NCOR2: variants seen among roughly 807,000 people sequenced by gnomAD.
NCOR2 encodes the protein CTG repeat protein 26.
In NCOR2, 81 loss-of-function variants were observed where a neutral mutation model predicts 262.9. That is an observed-to-expected ratio of 0.31 (90% CI 0.26 to 0.37). The LOEUF (loss-of-function observed/expected upper bound fraction) is 0.37, where lower values mean the gene tolerates loss of function less well. NCOR2 is among the 10% of genes least tolerant of loss of function. NCOR2 has a pLI of 1.00. For missense variants in NCOR2, 3,385 were observed against 3,621.4 expected, an observed-to-expected ratio of 0.93 and a Z score of 1.68; for synonymous variants, 1,659 against 1,559.3, an observed-to-expected ratio of 1.06 and a Z score of -1.51.
intron 1 of NCOR2, among the ~76,000 whole-genome samples, chr12:124,506,224 G>A (rs146035081): frequency 1.7e-3 from 265 of 152,316 alleles, no homozygotes; most frequent in African/African-American, 6.0e-3. Context: ...ACTGAGGCTC[G>A]GAAAGGTGAA....
At chr12:124,478,169 C>G (rs1045045637) in intron 3 of NCOR2, among the ~76,000 whole-genome samples, 1 of 152,176 alleles carries the variant, frequency 6.6e-6, no homozygotes, top group Non-Finnish European at 1.5e-5. Context: ...TTCCTGCTAA[C>G]ACACCAAGAC....
At chr12:124,511,781 T>C (rs947540381) in intron 1 of NCOR2, among the ~76,000 whole-genome samples, 1 of 152,190 alleles carries the variant, frequency 6.6e-6, no homozygotes, top group African/African-American at 2.4e-5. Flanking sequence ...ACCCTCAGGC[T>C]TGGAGTGGGG....
At chr12:124,456,468 C>A (rs2045862164) in intron 6 of NCOR2, among the ~76,000 whole-genome samples, 1 of 152,204 alleles carries the variant, frequency 6.6e-6, no homozygotes, top group African/African-American at 2.4e-5. Flanking sequence ...CATCTTTCCG[C>A]AGCAAAAGGA....
chr12:124,340,026 G>A (rs1354053978), exon 37 of NCOR2: 1 of 1,612,202 alleles, frequency 6.2e-7, no homozygotes, highest in Admixed American at 1.7e-5. Context: ...TGGGCGTGCT[G>A]GGCTCCACAG....
At chr12:124,399,570 C>T (rs1210963217) in intron 15 of NCOR2, among the ~76,000 whole-genome samples, 2 of 152,206 alleles carry the variant, frequency 1.3e-5, no homozygotes, top group Non-Finnish European at 2.9e-5. Context: ...AACGTTTCCT[C>T]TCTGAGCTTC....
rs1045276489 is a variant in NCOR2 at position 124,389,581 on chromosome 12, G to A, written c.1877-3694C>T. On this transcript the variant is annotated intron_variant, in intron 16 of 46. Transcript: ENST00000405201. This position sits in a 1 kb window ranked among gnomAD's most constrained non-coding sequence, Gnocchi z 4.4. ...CCCGCCGCCCGTCCCCCCACCCTCC[G>A]TGTCAGTTCCACCTGAGCTCTGCCC... 1.4e-5 allele frequency among the ~76,000 whole-genome samples: 2 copies of A among 144,570 alleles called. No homozygotes were observed. Among genetic ancestry groups the A allele is most frequent in the Non-Finnish European group, 3.0e-5 (2 of 66,258 alleles). The allele number at this position is 144,570 out of a possible 152,430, so 94.8% of individuals were successfully genotyped here.
rs932133627 is a variant in NCOR2, at chr12:124,566,212, G to A, written c.-165+1096C>T. On this transcript the variant is annotated intron_variant, in intron 1 of 32. Transcript: ENST00000458234. The surrounding 1 kb of genome is among the most constrained non-coding windows in gnomAD (Gnocchi z 4.3). ...CACAATAAAACCAGTTCTCACCAAC[G>A]GGGGAGAGGAGGAGGGGGAGGAAGG... Among the ~76,000 whole-genome samples the A allele has an allele frequency of 1.3e-5, 2 of 152,158 alleles. No individual in the cohort carries two copies. The highest frequency in any genetic ancestry group is 4.8e-5 in the African/African-American group (2 of 41,436).
chr12:124,383,693 C>T (rs990460269), intron 17 of NCOR2, among the ~76,000 whole-genome samples: 1 of 152,226 alleles, frequency 6.6e-6, no homozygotes, highest in Non-Finnish European at 1.5e-5. Flanking sequence ...GGTAATCACT[C>T]GTTCACTCCT....
intron 16 of NCOR2, among the ~76,000 whole-genome samples, chr12:124,392,554 T>G (rs905994090): frequency 6.6e-6 from 1 of 152,102 alleles, no homozygotes; most frequent in African/African-American, 2.4e-5. Context: ...CACCAGGAAG[T>G]AGCCGGGCAG....
At position 124,386,559 on chromosome 12, in the gene NCOR2, A is replaced by C. The variant is rs529719999; in HGVS notation, c.1877-672T>G. Among the ~76,000 whole-genome samples, 5 of 152,234 alleles carry C rather than the reference A, an allele frequency of 3.3e-5. No individual in the cohort carries two copies. In the South Asian group the frequency reaches 1.0e-3, roughly 32 times the overall value. On this transcript the variant is annotated intron_variant, in intron 16 of 46. Coordinates refer to ENST00000405201, the Ensembl canonical transcript of NCOR2. ...GGTTGCGCAGCTGGAATTTGCTCCC[A>C]AACCCCAACCCGCACAACCAGGAGG...
At chr12:124,515,760 G>A (rs1468173542) in intron 1 of NCOR2, among the ~76,000 whole-genome samples, 1 of 151,996 alleles carries the variant, frequency 6.6e-6, no homozygotes, top group Admixed American at 6.6e-5. Flanking sequence ...ATACATGTGG[G>A]TGTGTGCGTG....
chr12:124,350,004 A>C (rs925135146), intron 28 of NCOR2, among the ~76,000 whole-genome samples: 2 of 152,080 alleles, frequency 1.3e-5, no homozygotes, highest in African/African-American at 4.8e-5. Flanking sequence ...GATGGAGGAG[A>C]GGCAATTCCG....
intron 30 of NCOR2, 187 bp downstream of exon 32, chr12:124,347,638 G>A (rs1050296847): frequency 4.9e-6 from 3 of 613,420 alleles, no homozygotes; most frequent in Non-Finnish European, 8.5e-6. Flanking sequence ...TTTTGTTTTT[G>A]TTTTGAAATA....
At chr12:124,387,716 C>T (rs1005861900) in intron 16 of NCOR2, among the ~76,000 whole-genome samples, 5 of 152,266 alleles carry the variant, frequency 3.3e-5, no homozygotes, top group African/African-American at 7.2e-5. Context: ...CCTTTCCCTC[C>T]GCCCGCGCCA....
intron 1 of NCOR2, among the ~76,000 whole-genome samples, chr12:124,521,600 G>A (rs1183152199): frequency 1.3e-5 from 2 of 152,168 alleles, no homozygotes; most frequent in Non-Finnish European, 2.9e-5. Context: ...CAGGGGCTGC[G>A]GGAGGCGGCA....
chr12:124,389,023 C>A lies in NCOR2; in HGVS notation c.1877-3136G>T, dbSNP rs1254679077. On this transcript the variant is annotated intron_variant, in intron 16 of 46. Coordinates refer to ENST00000405201, the Ensembl canonical transcript of NCOR2. The surrounding 1 kb of genome is among the most constrained non-coding windows in gnomAD (Gnocchi z 4.4). ...CAGCGGCCGCTGCCACCTCTGACGC[C>A]GTCCCCAAGCCGCTGTGGGCGCGCG... Among the ~76,000 whole-genome samples the A allele has an allele frequency of 2.0e-5, 3 of 152,132 alleles. No individual in the cohort carries two copies. The highest frequency in any genetic ancestry group is 7.2e-5 in the African/African-American group (3 of 41,446).
At chr12:124,552,833 T>A (rs538606490) in intron 1 of NCOR2, among the ~76,000 whole-genome samples, 1 of 152,072 alleles carries the variant, frequency 6.6e-6, no homozygotes, top group African/African-American at 2.4e-5. Flanking sequence ...GGACCACAGG[T>A]ACCATGCCCA....
chr12:124,334,964 G>C (rs893211285), intron 40 of NCOR2, 171 bp downstream of exon 42: 17 of 966,716 alleles, frequency 1.8e-5, no homozygotes, highest in East Asian at 1.0e-4. Flanking sequence ...GCCGGTGCTC[G>C]GGGCTTTGGG....
At chr12:124,425,607 G>C (rs981102665) in intron 11 of NCOR2, among the ~76,000 whole-genome samples, 2 of 152,152 alleles carry the variant, frequency 1.3e-5, no homozygotes, top group South Asian at 2.1e-4. Flanking sequence ...GGGACCCCGG[G>C]CCAGGGATGG....
Sources: gnomAD v4.1 joint callset for allele counts (sites outside exome capture counted in the v4.1 genomes callset) on GRCh38, gnomAD v4.1.1 for gene constraint, Gnocchi (gnomAD v3.1) non-coding constraint, MANE v1.5 for transcripts, NCBI Gene and HGNC (gene_info 2026-07-23, HGNC 2026-07-21) for gene names.